Variants in DESI2 observed in about 807,000 individuals in gnomAD.
DESI2 encodes the protein desumoylating isopeptidase 2, also known as deubiquitinase DESI2.
Under a neutral mutation model 24.1 loss-of-function variants are expected in DESI2, and 10 were observed. The ratio of observed to expected loss-of-function variants is 0.41; its 90% CI spans 0.26 to 0.70. The LOEUF is 0.70. Ranked by LOEUF, DESI2 falls within the 30% of genes least tolerant of loss-of-function variation. The pLI, the probability that DESI2 is intolerant of heterozygous loss-of-function variation, is 0.29. For missense variants in DESI2, 122 were observed against 234.9 expected (o/e 0.52, Z 3.14); for synonymous variants, 71 against 87.7 (o/e 0.81, Z 1.06).
chr1:244,675,891 G>A (rs917661495), intron 1 of DESI2, among the ~76,000 whole-genome samples: 1 of 152,112 alleles, frequency 6.6e-6, no homozygotes, highest in African/African-American at 2.4e-5. Flanking sequence ...AAATCTTCCA[G>A]TTCACAAGCG....
At chr1:244,687,620 T>C (rs2148806019) in intron 2 of DESI2, among the ~76,000 whole-genome samples, 1 of 152,350 alleles carries the variant, frequency 6.6e-6, no homozygotes, top group South Asian at 2.1e-4. Context: ...ATGGTGGTTA[T>C]ACTCTTTTTT....
At chr1:244,675,086 TTTGCGTATC>T (rs1404717177) in intron 1 of DESI2, among the ~76,000 whole-genome samples, 2 of 152,214 alleles carry the variant, frequency 1.3e-5, no homozygotes, top group East Asian at 3.9e-4. Context: ...GTGGTTTTAA[TTTGCGTATC>T]TTCTTAGAAG....
intron 1 of DESI2, among the ~76,000 whole-genome samples, chr1:244,682,642 G>T (rs1676659232): frequency 6.6e-6 from 1 of 152,118 alleles, no homozygotes. Context: ...TAACCAGATA[G>T]TAAATATTTT....
chr1:244,663,196 T>C (rs1406305234), intron 1 of DESI2, among the ~76,000 whole-genome samples: 1 of 151,680 alleles, frequency 6.6e-6, no homozygotes, highest in Non-Finnish European at 1.5e-5. Context: ...TTTTTTTTCC[T>C]TTTTTTTGAC....
chr1:244,686,150 G>A (rs1367989290), intron 1 of DESI2, among the ~76,000 whole-genome samples: 1 of 152,096 alleles, frequency 6.6e-6, no homozygotes, highest in African/African-American at 2.4e-5. Context: ...TGCCGTAAAT[G>A]TTTGTTGAAA....
intron 4 of DESI2, among the ~76,000 whole-genome samples, 184 bp from the exon 5 acceptor site, chr1:244,705,372 G>A (rs879519106): frequency 3.3e-5 from 5 of 152,170 alleles, no homozygotes; most frequent in Non-Finnish European, 7.3e-5. Flanking sequence ...GGAGCCAACA[G>A]TAGGGAGCCC....
intron 1 of DESI2, among the ~76,000 whole-genome samples, chr1:244,682,898 A>G (rs1270534889): frequency 6.6e-6 from 1 of 152,132 alleles, no homozygotes; most frequent in Non-Finnish European, 1.5e-5. Context: ...AAGCACAGTA[A>G]GGCAAACTCT....
chr1:244,670,154 A>C (rs1276636153), intron 1 of DESI2, among the ~76,000 whole-genome samples: 1 of 152,008 alleles, frequency 6.6e-6, no homozygotes, highest in African/African-American at 2.4e-5. Context: ...ATGGGGTTTC[A>C]TCATATTGGT....
At chr1:244,695,870 C>T (rs1040900350) in intron 4 of DESI2, among the ~76,000 whole-genome samples, 34 of 152,132 alleles carry the variant, frequency 2.2e-4, no homozygotes, top group Admixed American at 2.1e-3. Flanking sequence ...GGAACTCAGG[C>T]TCAAGTGAGC....
chr1:244,654,780 A>G (rs74408712), intron 1 of DESI2, among the ~76,000 whole-genome samples: 2,237 of 152,222 alleles, frequency 0.015, 57 homozygotes, highest in African/African-American at 0.051. Context: ...CTGCCCTTTT[A>G]CTTTCTCTGT....
In DESI2 at chr1:244,708,870, C is replaced by T. The variant is rs955575056; in HGVS notation, c.*3081C>T. 2.6e-5 allele frequency: 4 copies of T among 152,452 alleles called. No individual in the cohort carries two copies. The highest frequency in any genetic ancestry group is 4.4e-5 in the Non-Finnish European group (3 of 68,032). 9.4% of individuals were successfully genotyped at this position (152,452 alleles called of 1,614,324 possible). On this transcript the variant is annotated 3_prime_UTR_variant, in exon 5 of 5. Transcript: ENST00000302550. ...ACAGCTGTCAAAGAATCTTCATGGA[C>T]CTGAAGATAATTTCTTGTGAAGTTG...
chr1:244,691,268 T>G (rs1023671608), intron 3 of DESI2, among the ~76,000 whole-genome samples: 5 of 152,238 alleles, frequency 3.3e-5, no homozygotes, highest in Admixed American at 1.3e-4. Flanking sequence ...TTTGTATTGT[T>G]TTAGAGACGG....
chr1:244,668,670 T>C (rs1197798990), intron 1 of DESI2, among the ~76,000 whole-genome samples: 2 of 152,322 alleles, frequency 1.3e-5, no homozygotes, highest in South Asian at 2.1e-4. Context: ...CATTTGTCAA[T>C]GTTACTTTCA....
chr1:244,692,113 T>TTTTCCGA, intron 4 of DESI2, 93 bp downstream of exon 4: 1 of 1,108,924 alleles, frequency 9.0e-7, no homozygotes, highest in Non-Finnish European at 1.3e-6. Context: ...GATTCACTTC[T>TTTTCCGA]TTTCCGATTT....
chr1:244,693,264 T>A (rs1353064631), intron 4 of DESI2, among the ~76,000 whole-genome samples: 1 of 152,154 alleles, frequency 6.6e-6, no homozygotes, highest in Non-Finnish European at 1.5e-5. Context: ...ATCCTGTCCT[T>A]CAAAAACATT....
At chr1:244,661,370 C>T (rs927872982) in intron 1 of DESI2, among the ~76,000 whole-genome samples, 15 of 152,152 alleles carry the variant, frequency 9.9e-5, no homozygotes, top group Non-Finnish European at 1.5e-4. Context: ...GAGTAATATT[C>T]CACTGTGTAT....
At chr1:244,692,097 G>A (rs1466045384) in intron 4 of DESI2, 77 bp downstream of exon 4, 31 of 1,257,036 alleles carry the variant, frequency 2.5e-5, no homozygotes, top group African/African-American at 7.7e-5. Flanking sequence ...CACTATATTC[G>A]ATCTTGATTC....
intron 1 of DESI2, among the ~76,000 whole-genome samples, chr1:244,664,994 A>C (rs1024056010): frequency 2.6e-5 from 4 of 152,168 alleles, no homozygotes; most frequent in African/African-American, 9.7e-5. Context: ...TGTGGCACAT[A>C]CTATGTTTAT....
Position 244,689,546 on chromosome 1 carries a change from G to A in DESI2, c.209+204G>A, listed in dbSNP as rs1676946128. 6.6e-6 allele frequency among the ~76,000 whole-genome samples: 1 copy of A among 151,252 alleles called. No homozygotes were observed. The highest frequency in any genetic ancestry group is 2.4e-5 in the African/African-American group (1 of 41,070). ...TTTTTTTGAGATGGAGTCTCACTCT[G>A]TCTCCCAGGCTGGAGAGAAGTGGCG... is the stretch of plus-strand genomic sequence containing the variant. On this transcript the variant is annotated intron_variant, in intron 3 of 4. Transcript: ENST00000302550. This position sits in a 1 kb window ranked among gnomAD's most constrained non-coding sequence, Gnocchi z 4.0.
Sources: gnomAD v4.1 joint callset for allele counts (sites outside exome capture counted in the v4.1 genomes callset) on GRCh38, gnomAD v4.1.1 for gene constraint, Gnocchi (gnomAD v3.1) non-coding constraint, MANE v1.5 for transcripts, NCBI Gene and HGNC (gene_info 2026-07-23, HGNC 2026-07-21) for gene names.